Variants in ZDHHC7 observed in about 807,000 individuals in gnomAD.
ZDHHC7 encodes the protein zDHHC palmitoyltransferase 7.
Under a neutral mutation model 34.1 loss-of-function variants are expected in ZDHHC7, and 12 were observed. The ratio of observed to expected loss-of-function variants is 0.35; its 90% CI spans 0.23 to 0.57. The LOEUF (loss-of-function observed/expected upper bound fraction) is 0.57, where lower values mean the gene tolerates loss of function less well. ZDHHC7 is among the 20% of genes least tolerant of loss of function. ZDHHC7 has a pLI of 0.84. For synonymous variants in ZDHHC7, 185 were observed against 155.4 expected (o/e 1.19, Z -1.42); for missense variants, 388 against 402.7 (o/e 0.96, Z 0.31).
At position 85,000,017 on chromosome 16, in the gene ZDHHC7, G is replaced by A. The variant is rs191062168; in HGVS notation, c.-103-4010C>T. On this transcript the variant is annotated intron_variant, in intron 1 of 7. Coordinates refer to ENST00000313732, the MANE Select transcript of ZDHHC7 (RefSeq NM_017740.3). ...TTTAAAAATTGGCTGGGCAGGGCCT[G>A]TACTCCCAGCTGCTCAGGAGGCTGA... Among the ~76,000 whole-genome samples, 19 of 151,654 alleles carry A rather than the reference G, an allele frequency of 1.3e-4. No homozygotes were observed. The East Asian group carries it at 3.1e-3, about 25-fold the overall frequency.
chr16:85,025,413 C>A, the ZDHHC7 span, among the ~76,000 whole-genome samples: 1 of 120,346 alleles, frequency 8.3e-6, no homozygotes, highest in Admixed American at 9.3e-5. Flanking sequence ...CCAACATATT[C>A]CTTTTTTGGG....
At chr16:84,979,366 A>G in intron 4 of ZDHHC7, 81 bp from the exon 5 acceptor site, 1 of 1,529,446 alleles carries the variant, frequency 6.5e-7, no homozygotes, top group Non-Finnish European at 8.8e-7. Context: ...TCAAAGGTGG[A>G]GGAAAATTAG....
chr16:85,027,426 T>G, the ZDHHC7 span, among the ~76,000 whole-genome samples: 4 of 152,092 alleles, frequency 2.6e-5, no homozygotes, highest in African/African-American at 9.7e-5. Flanking sequence ...ACAACTAGAA[T>G]CCGACGGTAT....
At chr16:84,998,367 T>G (rs2072610682) in intron 1 of ZDHHC7, among the ~76,000 whole-genome samples, 1 of 152,086 alleles carries the variant, frequency 6.6e-6, no homozygotes, top group African/African-American at 2.4e-5. Context: ...GCAGATCTCC[T>G]TGTGGTAGGT....
chr16:84,994,279 T>C (rs2072547995), intron 2 of ZDHHC7, among the ~76,000 whole-genome samples: 1 of 152,220 alleles, frequency 6.6e-6, no homozygotes, highest in African/African-American at 2.4e-5. Flanking sequence ...CTCTCTCAGA[T>C]TCCAATCACC....
chr16:84,996,738 G>C (rs1597552922), intron 1 of ZDHHC7, among the ~76,000 whole-genome samples: 1 of 152,126 alleles, frequency 6.6e-6, no homozygotes, highest in Non-Finnish European at 1.5e-5. Flanking sequence ...TATAAAAAAA[G>C]AAAGTCCAGG....
At position 84,977,955 on chromosome 16, in the gene ZDHHC7, C is replaced by A. The variant is rs750218994; in HGVS notation, c.588G>T (p.Gln196His). Residue 196 changes from glutamine (Q) to histidine (H), a missense_variant, in exon 6 of 8, where the codon CAG (glutamine) becomes CAT (histidine). Transcript: ENST00000313732. The stretch of plus-strand genomic sequence containing the variant: ...ACTGCCCTCGGACACAGGAGATGAA[C>A]TGAAATCCACAAAGGATCAGAGCAT... ...SVHALILCGF[Q>H]FISCVRGQWT... 3 of 1,614,126 alleles carry A rather than the reference C, an allele frequency of 1.9e-6. No individual in the cohort carries two copies. Among genetic ancestry groups the A allele is most frequent in the South Asian group, 2.2e-5 (2 of 91,080 alleles).
Position 84,979,159 on chromosome 16 carries a change from T to C in ZDHHC7, c.537+30A>G, listed in dbSNP as rs373020814. The stretch of plus-strand genomic sequence containing the variant: ...CAGTTAAAGAATTTCAAATTCAATG[T>C]AAATTCAATACAAAAATATTTTTAC... On this transcript the variant is annotated intron_variant, in intron 5 of 7. Coordinates refer to ENST00000313732, the MANE Select transcript of ZDHHC7 (RefSeq NM_017740.3). 61 of 1,576,170 alleles carry C rather than the reference T, an allele frequency of 3.9e-5. 1 individual carries two copies. The African/African-American group carries it at 5.9e-4, about 15-fold the overall frequency.
chr16:84,991,492 T>C (rs965010095), intron 2 of ZDHHC7, among the ~76,000 whole-genome samples: 11 of 152,270 alleles, frequency 7.2e-5, no homozygotes, highest in Admixed American at 3.3e-4. Flanking sequence ...TTCACCATGT[T>C]GGCCAGGCTG....
In ZDHHC7 at chr16:85,010,712, G is replaced by C. The variant is rs532113537; in HGVS notation, c.-104+574C>G. Among the ~76,000 whole-genome samples, 57 of 152,322 alleles carry C rather than the reference G, an allele frequency of 3.7e-4. No individual in the cohort carries two copies. In the South Asian group the frequency reaches 6.8e-3, roughly 18 times the overall value. The stretch of plus-strand genomic sequence containing the variant: ...ACTGAGTGTGACAAAGTTGTAGAAG[G>C]AACCACACCAGGAGAGGTGAGCCTT... On this transcript the variant is annotated intron_variant, in intron 1 of 7. Transcript: ENST00000313732.
chr16:84,977,184 T>C lies in ZDHHC7; in HGVS notation c.661A>G (p.Ile221Val), dbSNP rs1189844024. The C allele has an allele frequency of 1.2e-6, 2 of 1,614,112 alleles. No homozygotes were observed. The highest frequency in any genetic ancestry group is 1.7e-6 in the Non-Finnish European group (2 of 1,180,016). ...FSPPITVILL[I>V]FLCLEGLLFF... ...AGAAGACCCTCAAGGCACAGGAAGA[T>C]CAACAGGATTACAGTTATCGGAGGT... is the stretch of plus-strand genomic sequence containing the variant. The change falls in exon 7 of 8, where the codon ATC (isoleucine) becomes GTC (valine). Residue 221 changes from isoleucine (I) to valine (V), a missense_variant. Transcript: ENST00000313732.
At chr16:84,997,080 A>T (rs13335877) in intron 1 of ZDHHC7, among the ~76,000 whole-genome samples, 25,247 of 151,130 alleles carry the variant, frequency 0.17, 2,866 homozygotes, top group East Asian at 0.32. Context: ...ACAAAACAGA[A>T]ATGAAGGGTA....
At chr16:84,993,556 C>T (rs1451249796) in intron 2 of ZDHHC7, among the ~76,000 whole-genome samples, 1 of 151,410 alleles carries the variant, frequency 6.6e-6, no homozygotes, top group Non-Finnish European at 1.5e-5. Context: ...GTGGAAGGAT[C>T]GCATGAGACT....
intron 1 of ZDHHC7, among the ~76,000 whole-genome samples, chr16:84,997,459 G>C (rs184616625): frequency 6.0e-4 from 91 of 150,868 alleles, no homozygotes; most frequent in African/African-American, 2.2e-3. Context: ...TTTTAGTAGA[G>C]ACGTGGTTTC....
intron 3 of ZDHHC7, 124 bp from the exon 4 acceptor site, chr16:84,982,118 T>C: frequency 7.7e-7 from 1 of 1,306,024 alleles, no homozygotes. Flanking sequence ...GATCACGGGG[T>C]CAGGAGTTCA....
At chr16:85,010,553 G>C (rs946657516) in intron 1 of ZDHHC7, among the ~76,000 whole-genome samples, 2 of 152,200 alleles carry the variant, frequency 1.3e-5, no homozygotes, top group African/African-American at 4.8e-5. Flanking sequence ...GCAGCGATTT[G>C]CCCAGCACTG....
chr16:85,011,005 G>A (rs1013609049), intron 1 of ZDHHC7, among the ~76,000 whole-genome samples: 1 of 152,242 alleles, frequency 6.6e-6, no homozygotes, highest in Non-Finnish European at 1.5e-5. Context: ...AGAAAACCAG[G>A]GCTCGGAGAG....
At chr16:85,024,191 T>A in the ZDHHC7 span, among the ~76,000 whole-genome samples, 2 of 150,738 alleles carry the variant, frequency 1.3e-5, no homozygotes, top group African/African-American at 4.9e-5. Context: ...GTGCTGAGAT[T>A]ACAGGCATGA....
chr16:84,977,254 T>C, intron 6 of ZDHHC7, 29 bp from the exon 7 acceptor site: 4 of 1,611,066 alleles, frequency 2.5e-6, no homozygotes, highest in South Asian at 1.1e-5. Flanking sequence ...TGGTTATAAC[T>C]GGTCCTGAAT....
Sources: allele counts gnomAD v4.1 joint callset (sites outside exome capture counted in the v4.1 genomes callset), GRCh38; gene constraint gnomAD v4.1.1; transcripts MANE v1.5; gene names NCBI Gene and HGNC (gene_info 2026-07-23, HGNC 2026-07-21).